CSMD1: variants seen among roughly 807,000 people sequenced by gnomAD.
CSMD1 encodes CUB and sushi domain-containing protein 1.
A neutral mutation model predicts 417.5 loss-of-function variants in CSMD1; 213 were observed. The ratio of observed to expected loss-of-function variants is 0.51; its 90% CI spans 0.46 to 0.57. The LOEUF (loss-of-function observed/expected upper bound fraction) is 0.57, where lower values mean the gene tolerates loss of function less well. Among genes scored for constraint, CSMD1 ranks in the 20% least tolerant of loss-of-function variants. The probability of loss-of-function intolerance (pLI) is 0.00; values close to 1 mark genes in which losing one functional copy is unlikely to be tolerated. For missense variants in CSMD1, 6,923 were observed against 4,529.7 expected (o/e 1.53, Z -15.17); for synonymous variants, 2,862 against 1,736.8 (o/e 1.65, Z -16.11).
intron 1 of CSMD1, among the ~76,000 whole-genome samples, chr8:4,985,532 C>G (rs1258135254): frequency 6.6e-6 from 1 of 152,158 alleles, no homozygotes; most frequent in Non-Finnish European, 1.5e-5. Flanking sequence ...CAATTCTCTT[C>G]CTATCCCCAG....
chr8:4,555,671 A>G (rs890354995), intron 2 of CSMD1, among the ~76,000 whole-genome samples: 4 of 152,300 alleles, frequency 2.6e-5, no homozygotes, highest in Middle Eastern at 3.4e-3. Context: ...TCAATCAGCA[A>G]TGGAGAGGAA....
chr8:3,097,109 CCTG>C, intron 46 of CSMD1, 72 bp from the exon 47 acceptor site: 12 of 1,213,924 alleles, frequency 9.9e-6, no homozygotes, highest in Non-Finnish European at 1.2e-5. Context: ...AGTTTCTATC[CCTG>C]TATAAACAAG....
At chr8:4,141,794 C>G (rs1385533053) in intron 3 of CSMD1, among the ~76,000 whole-genome samples, 3 of 151,078 alleles carry the variant, frequency 2.0e-5, no homozygotes, top group Non-Finnish European at 4.4e-5. Flanking sequence ...ATATTGTGAA[C>G]TCTATTTTAC....
chr8:4,130,575 A>G (rs1472366968), intron 3 of CSMD1, among the ~76,000 whole-genome samples: 1 of 152,036 alleles, frequency 6.6e-6, no homozygotes, highest in Non-Finnish European at 1.5e-5. Context: ...CACTGACCTT[A>G]TGTTTTCTAA....
intron 3 of CSMD1, among the ~76,000 whole-genome samples, chr8:4,097,097 C>T (rs373328565): frequency 8.5e-5 from 13 of 152,222 alleles, no homozygotes; most frequent in East Asian, 3.9e-4. Flanking sequence ...AAAAGAAGCA[C>T]GGCTGTGCCT....
At chr8:3,657,354 T>C (rs1015306908) in intron 7 of CSMD1, among the ~76,000 whole-genome samples, 1 of 150,156 alleles carries the variant, frequency 6.7e-6, no homozygotes. Flanking sequence ...CACCAAGAAG[T>C]AAAAGATCTC....
At chr8:4,886,823 A>T (rs769570840) in intron 1 of CSMD1, among the ~76,000 whole-genome samples, 6 of 152,064 alleles carry the variant, frequency 3.9e-5, no homozygotes, top group Non-Finnish European at 7.4e-5. Context: ...TAAAATTGTT[A>T]AATGATCTCT....
chr8:3,891,965 C>G (rs2129127749), intron 5 of CSMD1, among the ~76,000 whole-genome samples: 1 of 152,140 alleles, frequency 6.6e-6, no homozygotes, highest in South Asian at 2.1e-4. Flanking sequence ...CGTCCAAAAG[C>G]ACAGCATCGG....
intron 4 of CSMD1, among the ~76,000 whole-genome samples, chr8:4,025,253 C>G (rs930956226): frequency 7.9e-5 from 12 of 152,162 alleles, no homozygotes; most frequent in African/African-American, 2.9e-4. Flanking sequence ...AAATATTTAC[C>G]TGCTTCCTTT....
rs116279227 is a variant in CSMD1 at position 4,643,805 on chromosome 8, G to A, written c.86-6247C>T. ...TGGGGAAAATAATTAATTGTGGAAG[G>A]ACCATGATTTAAAGTGCCGTTCCGG... is the stretch of plus-strand genomic sequence containing the variant. On this transcript the variant is annotated intron_variant, in intron 1 of 69. Transcript: ENST00000635120. Among the ~76,000 whole-genome samples, 969 of 152,278 alleles carry A rather than the reference G, an allele frequency of 6.4e-3. 10 individuals carry two copies. Among genetic ancestry groups the A allele is most frequent in the African/African-American group, 0.022 (925 of 41,538 alleles).
At chr8:3,501,143 A>C (rs1474062281) in intron 10 of CSMD1, among the ~76,000 whole-genome samples, 1 of 152,218 alleles carries the variant, frequency 6.6e-6, no homozygotes, top group African/African-American at 2.4e-5. Flanking sequence ...GGGTCCATTC[A>C]AATAGAGAGA....
rs932756074 is a variant in CSMD1, at chr8:4,957,463, G to C, written c.85+36869C>G. Among the ~76,000 whole-genome samples the C allele has an allele frequency of 1.9e-4, 29 of 152,296 alleles. 1 individual carries two copies. Among genetic ancestry groups the C allele is most frequent in the South Asian group, 6.2e-4 (3 of 4,828 alleles). ...TTCTTCTTTTTGCCTAAGTTCTCTT[G>C]ATCATTTCAGGGAAGACACACATAT... On this transcript the variant is annotated intron_variant, in intron 1 of 69. Coordinates refer to ENST00000635120, the MANE Select transcript of CSMD1 (RefSeq NM_033225.6).
intron 38 of CSMD1, among the ~76,000 whole-genome samples, chr8:3,158,775 G>C (rs1292482397): frequency 6.6e-6 from 1 of 152,010 alleles, no homozygotes; most frequent in Non-Finnish European, 1.5e-5. Context: ...TGACTCGGTG[G>C]CCTTATCAGC....
intron 12 of CSMD1, among the ~76,000 whole-genome samples, chr8:3,444,592 C>T (rs190747214): frequency 6.6e-6 from 1 of 152,172 alleles, no homozygotes; most frequent in African/African-American, 2.4e-5. Flanking sequence ...TGGGTCAAGG[C>T]CAATGATGCT....
intron 1 of CSMD1, among the ~76,000 whole-genome samples, chr8:4,701,063 T>C (rs975784309): frequency 2.6e-5 from 4 of 152,066 alleles, no homozygotes; most frequent in African/African-American, 7.2e-5. Flanking sequence ...AAACATCTGA[T>C]AGATGAGTTT....
intron 1 of CSMD1, among the ~76,000 whole-genome samples, chr8:4,935,076 C>G (rs1807516720): frequency 6.6e-6 from 1 of 152,324 alleles, no homozygotes; most frequent in South Asian, 2.1e-4. Flanking sequence ...AATCCCATAT[C>G]ACAACAGGCC....
At chr8:4,828,638 C>A (rs144244937) in intron 1 of CSMD1, among the ~76,000 whole-genome samples, 1 of 152,082 alleles carries the variant, frequency 6.6e-6, no homozygotes, top group Non-Finnish European at 1.5e-5. Context: ...AAACTGAGAA[C>A]GTTACTCGGC....
intron 12 of CSMD1, among the ~76,000 whole-genome samples, chr8:3,439,542 T>G (rs1320614195): frequency 6.7e-6 from 1 of 149,916 alleles, no homozygotes; most frequent in Non-Finnish European, 1.5e-5. Flanking sequence ...GTCTTAAGAG[T>G]TCTTTATGAG....
chr8:3,921,946 A>G (rs1179737196), intron 5 of CSMD1, among the ~76,000 whole-genome samples: 1 of 152,134 alleles, frequency 6.6e-6, no homozygotes, highest in East Asian at 1.9e-4. Context: ...TATTGATTTG[A>G]TGTCTGGATG....
Sources: allele counts gnomAD v4.1 joint callset (sites outside exome capture counted in the v4.1 genomes callset), GRCh38; gene constraint gnomAD v4.1.1; transcripts MANE v1.5; gene names NCBI Gene and HGNC (gene_info 2026-07-23, HGNC 2026-07-21).